Variants in ZSWIM5 observed in about 807,000 individuals in gnomAD.
The protein encoded by ZSWIM5 is zinc finger SWIM domain-containing protein 5.
In ZSWIM5, 55 loss-of-function variants were observed where a neutral mutation model predicts 119.6. The ratio of observed to expected loss-of-function variants is 0.46; its 90% CI spans 0.37 to 0.58. The LOEUF (loss-of-function observed/expected upper bound fraction) is 0.58. ZSWIM5 is among the 20% of genes least tolerant of loss of function. ZSWIM5 has a pLI of 0.00. For missense variants in ZSWIM5, 1,193 were observed against 1,512.8 expected (o/e 0.79, Z 3.51); for synonymous variants, 537 against 606.9 (o/e 0.88, Z 1.69).
chr1:45,189,042 G>A (rs955687638), intron 1 of ZSWIM5, among the ~76,000 whole-genome samples: 5 of 152,060 alleles, frequency 3.3e-5, no homozygotes, highest in African/African-American at 7.2e-5. Context: ...GACCGGGCAC[G>A]GTGGCTCACG....
chr1:45,163,674 G>A (rs189770679), intron 1 of ZSWIM5, among the ~76,000 whole-genome samples: 5 of 152,282 alleles, frequency 3.3e-5, no homozygotes, highest in Admixed American at 6.5e-5. Flanking sequence ...ACTATGTGAC[G>A]CATGCATAAG....
intron 1 of ZSWIM5, among the ~76,000 whole-genome samples, chr1:45,137,907 A>C (rs957987011): frequency 6.6e-5 from 10 of 152,160 alleles, no homozygotes; most frequent in Non-Finnish European, 4.4e-5. Flanking sequence ...ATACTGAGGC[A>C]AGGGTAGGAA....
intron 1 of ZSWIM5, among the ~76,000 whole-genome samples, chr1:45,089,746 A>ACT (rs1645352998): frequency 6.6e-6 from 1 of 152,162 alleles, no homozygotes; most frequent in Non-Finnish European, 1.5e-5. Context: ...TGCAGGTGAG[A>ACT]GGATTACTTG....
At position 45,058,697 on chromosome 1, in the gene ZSWIM5, C is replaced by T. The variant is rs1203332458; in HGVS notation, c.1164G>A (p.Glu388=). ...NGARMLTLIT[E]QFVADPRLTL... Reference sequence around the variant, plus strand: ...TGAGTCGTGGGTCAGCCACAAACTGCTCAGTTATTAGTGTCAGCATCCTTG... The same window carrying T: ...TGAGTCGTGGGTCAGCCACAAACTGTTCAGTTATTAGTGTCAGCATCCTTG... The change falls in exon 4 of 14, where the codon GAG becomes GAA. Residue 388 remains glutamate (E), a synonymous_variant. Coordinates refer to ENST00000359600, the MANE Select transcript of ZSWIM5 (RefSeq NM_020883.2). The T allele has an allele frequency of 6.2e-7, 1 of 1,614,204 alleles. No homozygotes were observed. The highest frequency in any genetic ancestry group is 8.5e-7 in the Non-Finnish European group (1 of 1,180,040).
chr1:45,047,108 C>T (rs1645060774), intron 5 of ZSWIM5, among the ~76,000 whole-genome samples: 1 of 150,842 alleles, frequency 6.6e-6, no homozygotes, highest in African/African-American at 2.4e-5. Context: ...GGGGTAGAGA[C>T]AGTAAAGACA....
chr1:45,188,883 A>G (rs1646074948), intron 1 of ZSWIM5, among the ~76,000 whole-genome samples: 1 of 152,244 alleles, frequency 6.6e-6, no homozygotes, highest in East Asian at 1.9e-4. Flanking sequence ...TCTCCAAGGG[A>G]ATAGATAAAA....
intron 1 of ZSWIM5, among the ~76,000 whole-genome samples, chr1:45,140,668 C>T (rs1326875243): frequency 6.6e-6 from 1 of 152,202 alleles, no homozygotes; most frequent in African/African-American, 2.4e-5. Flanking sequence ...TGATCATACA[C>T]TGCCTACAAC....
At chr1:45,040,279 C>A in intron 7 of ZSWIM5, 113 bp downstream of exon 7, 2 of 1,156,788 alleles carry the variant, frequency 1.7e-6, no homozygotes, top group Non-Finnish European at 2.4e-6. Context: ...TGAGGCATTC[C>A]ACACAGCAAG....
intron 7 of ZSWIM5, among the ~76,000 whole-genome samples, chr1:45,039,985 G>A (rs1414860081): frequency 1.3e-5 from 2 of 151,942 alleles, no homozygotes; most frequent in South Asian, 2.1e-4. Flanking sequence ...GATTACAGGC[G>A]TAAGCCACCA....
chr1:45,065,470 A>G (rs1645177518), intron 2 of ZSWIM5, among the ~76,000 whole-genome samples: 1 of 152,224 alleles, frequency 6.6e-6, no homozygotes, highest in African/African-American at 2.4e-5. Context: ...CACCCAGGTG[A>G]TGATAACGGC....
At chr1:45,167,204 C>G (rs567695364) in intron 1 of ZSWIM5, among the ~76,000 whole-genome samples, 10,373 of 151,666 alleles carry the variant, frequency 0.068, 457 homozygotes, top group Non-Finnish European at 0.096. Context: ...ACAAACCTGA[C>G]AAAAACAAGC....
intron 1 of ZSWIM5, among the ~76,000 whole-genome samples, chr1:45,149,793 A>C (rs904990267): frequency 2.6e-5 from 4 of 152,256 alleles, no homozygotes; most frequent in Admixed American, 2.0e-4. Context: ...TTATAAAACA[A>C]TACTTTGTTC....
In ZSWIM5 at chr1:45,044,950, G is replaced by A. The variant is rs61492244; in HGVS notation, c.1433-1555C>T. On this transcript the variant is annotated intron_variant, in intron 5 of 13. Coordinates refer to ENST00000359600, the MANE Select transcript of ZSWIM5 (RefSeq NM_020883.2). Reference sequence around the variant, plus strand: ...CAGGAGGTTGAGGCCACAGTGAGCCGAGATCATGCCACTGGTCTCCAGCCT... The same window carrying A: ...CAGGAGGTTGAGGCCACAGTGAGCCAAGATCATGCCACTGGTCTCCAGCCT... Among the ~76,000 whole-genome samples, 1,387 of 142,684 alleles carry A rather than the reference G, an allele frequency of 9.7e-3. 27 individuals are homozygous for A. Among genetic ancestry groups the A allele is most frequent in the African/African-American group, 0.034 (1,322 of 38,480 alleles). 93.6% of individuals were successfully genotyped at this position (142,684 alleles called of 152,430 possible).
At chr1:45,115,729 C>T (rs546447792) in intron 1 of ZSWIM5, among the ~76,000 whole-genome samples, 2 of 149,942 alleles carry the variant, frequency 1.3e-5, no homozygotes, top group East Asian at 2.0e-4. Flanking sequence ...ACTTCCCAGA[C>T]GGGATGGCGG....
At chr1:45,196,726 G>A (rs1646128082) in intron 1 of ZSWIM5, among the ~76,000 whole-genome samples, 1 of 152,052 alleles carries the variant, frequency 6.6e-6, no homozygotes, top group Non-Finnish European at 1.5e-5. Flanking sequence ...TCAAATTTTT[G>A]AGGTACAATT....
At chr1:45,164,013 A>G (rs537405513) in intron 1 of ZSWIM5, among the ~76,000 whole-genome samples, 1 of 152,300 alleles carries the variant, frequency 6.6e-6, no homozygotes, top group East Asian at 1.9e-4. Context: ...CAAGACACAT[A>G]ATTGTCAGAT....
intron 1 of ZSWIM5, among the ~76,000 whole-genome samples, chr1:45,096,553 C>T (rs542614369): frequency 3.5e-5 from 5 of 144,468 alleles, no homozygotes; most frequent in South Asian, 4.2e-4. Context: ...CACACACACA[C>T]GCACACACAC....
At chr1:45,141,748 G>A (rs560259644) in intron 1 of ZSWIM5, among the ~76,000 whole-genome samples, 1 of 152,228 alleles carries the variant, frequency 6.6e-6, no homozygotes, top group African/African-American at 2.4e-5. Context: ...GGTTATAGTA[G>A]TATGAGACAA....
At chr1:45,116,765 A>G in intron 1 of ZSWIM5, among the ~76,000 whole-genome samples, 1 of 152,158 alleles carries the variant, frequency 6.6e-6, no homozygotes, top group Non-Finnish European at 1.5e-5. Context: ...AAAGGATGAT[A>G]TTATTCAGTA....
Sources: allele counts gnomAD v4.1 joint callset (sites outside exome capture counted in the v4.1 genomes callset), GRCh38; gene constraint gnomAD v4.1.1; transcripts MANE v1.5; gene names NCBI Gene and HGNC (gene_info 2026-07-23, HGNC 2026-07-21).